TMOD2: variants seen among roughly 807,000 people sequenced by gnomAD.
The protein encoded by TMOD2 is tropomodulin-2.
In TMOD2, 22 loss-of-function variants were observed where a neutral mutation model predicts 39.9. The ratio of observed to expected loss-of-function variants is 0.55; its 90% confidence interval spans 0.39 to 0.79. The LOEUF is 0.79. Ranked by LOEUF, TMOD2 falls within the 30% of genes least tolerant of loss-of-function variation. The probability of loss-of-function intolerance (pLI) is 0.00; values close to 1 mark genes in which losing one functional copy is unlikely to be tolerated. For synonymous variants in TMOD2, 123 were observed against 146.1 expected (o/e 0.84, Z 1.14); for missense variants, 386 against 413.3 (o/e 0.93, Z 0.57).
At chr15:51,790,288 C>T (rs771961766) in intron 7 of TMOD2, among the ~76,000 whole-genome samples, 13 of 152,164 alleles carry the variant, frequency 8.5e-5, no homozygotes, top group Non-Finnish European at 1.6e-4. Context: ...CACATACACC[C>T]TCCCAAGACT....
chr15:51,784,150 C>G (rs1017219642), intron 7 of TMOD2: 1 of 152,224 alleles, frequency 6.6e-6, no homozygotes, highest in African/African-American at 2.4e-5. Flanking sequence ...CCAGAATTCA[C>G]TACCAAGTCT....
intron 3 of TMOD2, among the ~76,000 whole-genome samples, chr15:51,770,585 G>C (rs1054161472): frequency 1.3e-5 from 2 of 152,122 alleles, no homozygotes; most frequent in African/African-American, 4.8e-5. Context: ...ACATAATGCC[G>C]AGGCTGCCCT....
Position 51,814,408 on chromosome 15 carries a change from G to T in TMOD2, c.*5954G>T, listed in dbSNP as rs1037789047. ...GTTATCACCAGCAACCTTAGCCCTG[G>T]TCAGTAATATTTCTGCTAAGAAAGG... is the stretch of plus-strand genomic sequence containing the variant. On this transcript the variant is annotated 3_prime_UTR_variant, in exon 10 of 10. Coordinates refer to ENST00000249700, the MANE Select transcript of TMOD2 (RefSeq NM_014548.4). The T allele has an allele frequency of 1.3e-5, 2 of 152,214 alleles. No individual in the cohort carries two copies. The highest frequency in any genetic ancestry group is 2.9e-5 in the Non-Finnish European group (2 of 68,060). 9.4% of individuals were successfully genotyped at this position (152,214 alleles called of 1,614,324 possible).
At chr15:51,792,189 A>C (rs955776061) in intron 7 of TMOD2, among the ~76,000 whole-genome samples, 2 of 152,250 alleles carry the variant, frequency 1.3e-5, no homozygotes, top group African/African-American at 4.8e-5. Flanking sequence ...AATCCCATCA[A>C]AAAATGGGCA....
intron 2 of TMOD2, 98 bp from the exon 3 acceptor site, chr15:51,768,164 C>A: frequency 2.1e-6 from 3 of 1,422,824 alleles, no homozygotes; most frequent in Non-Finnish European, 1.9e-6. Context: ...GGTATCCTTC[C>A]TGCTTCCCCA....
At chr15:51,799,155 A>G (rs2056072105) in intron 8 of TMOD2, among the ~76,000 whole-genome samples, 1 of 152,154 alleles carries the variant, frequency 6.6e-6, no homozygotes, top group Non-Finnish European at 1.5e-5. Context: ...GCCATGGGGA[A>G]GGGTCTGTGA....
In TMOD2 at chr15:51,781,158, A is replaced by G. The variant is rs747440871; in HGVS notation, c.608A>G (p.Asn203Ser). The G allele has an allele frequency of 1.2e-6, 2 of 1,608,170 alleles. No homozygotes were observed. Among genetic ancestry groups the G allele is most frequent in the Admixed American group, 1.7e-5 (1 of 58,196 alleles). ...AATGATCCTAGCTTGCAAGAAGTCAACCTCAACAACATTAAGGTATTTCAT... is the reference window on the plus strand; with the variant it reads ...AATGATCCTAGCTTGCAAGAAGTCAGCCTCAACAACATTAAGGTATTTCAT... ...KANDPSLQEV[N>S]LNNIKNIPIP... is the part of the protein sequence containing the mutation. Residue 203 changes from asparagine (N) to serine (S), a missense_variant, in exon 6 of 10, where the codon AAC (asparagine) becomes AGC (serine). Transcript: ENST00000249700.
chr15:51,792,905 C>G (rs1237656540), intron 7 of TMOD2, among the ~76,000 whole-genome samples: 1 of 152,026 alleles, frequency 6.6e-6, no homozygotes, highest in African/African-American at 2.4e-5. Context: ...GGAGAAATAC[C>G]TAATGTAGGT....
intron 7 of TMOD2, among the ~76,000 whole-genome samples, chr15:51,787,365 G>T (rs1199559025): frequency 1.3e-5 from 2 of 152,212 alleles, no homozygotes; most frequent in East Asian, 3.8e-4. Flanking sequence ...AACTGGGCGG[G>T]GCCCACCACA....
At chr15:51,797,981 AG>A (rs2056063161) in intron 7 of TMOD2, among the ~76,000 whole-genome samples, 2 of 151,664 alleles carry the variant, frequency 1.3e-5, no homozygotes. Context: ...AGTTTTTGCA[AG>A]TATGTGAAAT....
intron 8 of TMOD2, among the ~76,000 whole-genome samples, chr15:51,802,319 C>T (rs2056095686): frequency 6.6e-6 from 1 of 152,166 alleles, no homozygotes; most frequent in South Asian, 2.1e-4. Context: ...GTTGGTGTTT[C>T]TGTTTCACTA....
intron 2 of TMOD2, among the ~76,000 whole-genome samples, chr15:51,767,961 T>C (rs1567236609): frequency 6.6e-6 from 1 of 152,214 alleles, no homozygotes; most frequent in Non-Finnish European, 1.5e-5. Context: ...AACCTAAGCA[T>C]GATCTACAAG....
At chr15:51,759,425 A>G (rs1779041335) in intron 1 of TMOD2, among the ~76,000 whole-genome samples, 1 of 152,196 alleles carries the variant, frequency 6.6e-6, no homozygotes, top group South Asian at 2.1e-4. Context: ...AAAATTTTGG[A>G]GGCAGATGAG....
chr15:51,813,584 G>C lies in TMOD2; in HGVS notation c.*5130G>C, dbSNP rs2056170376. 1 of 152,150 alleles carries C rather than the reference G, an allele frequency of 6.6e-6. No homozygotes were observed. Among genetic ancestry groups the C allele is most frequent in the Non-Finnish European group, 1.5e-5 (1 of 68,036 alleles). The allele number at this position is 152,150 out of a possible 1,614,324, so 9.4% of individuals were successfully genotyped here. A position where few individuals can be genotyped will look rare whatever the true frequency, so the allele number is the denominator to read the frequency against. ...CAACACTTAGCAGGTATATGATCATGGGCAATTCATTCAATTGCCTGCCAA... is the reference window on the plus strand; with the variant it reads ...CAACACTTAGCAGGTATATGATCATCGGCAATTCATTCAATTGCCTGCCAA... On this transcript the variant is annotated 3_prime_UTR_variant, in exon 10 of 10. Coordinates refer to ENST00000249700, the MANE Select transcript of TMOD2 (RefSeq NM_014548.4).
chr15:51,801,114 G>A (rs1332618420), intron 8 of TMOD2, among the ~76,000 whole-genome samples: 1 of 152,058 alleles, frequency 6.6e-6, no homozygotes, highest in Non-Finnish European at 1.5e-5. Flanking sequence ...TGAGACAGGA[G>A]GATCACCTGA....
Position 51,813,316 on chromosome 15 carries a change from C to T in TMOD2, c.*4862C>T, listed in dbSNP as rs1490219818. ...TTGCAAGTTTAAATTTGTAACCTGA[C>T]TCTGGGTTCTGTTCTAGGAATAGTG... On this transcript the variant is annotated 3_prime_UTR_variant, in exon 10 of 10. Transcript: ENST00000249700. 1 of 152,230 alleles carries T rather than the reference C, an allele frequency of 6.6e-6. No homozygotes were observed. Among genetic ancestry groups the T allele is most frequent in the Non-Finnish European group, 1.5e-5 (1 of 68,052 alleles). The allele number at this position is 152,230 out of a possible 1,614,324, so 9.4% of individuals were successfully genotyped here. A position where few individuals can be genotyped will look rare whatever the true frequency, so the allele number is the denominator to read the frequency against.
Position 51,781,781 on chromosome 15 carries a change from C to T in TMOD2, c.624+607C>T, listed in dbSNP as rs138350985. Among the ~76,000 whole-genome samples, 450 of 149,908 alleles carry T rather than the reference C, an allele frequency of 3.0e-3. 1 individual carries two copies. The highest frequency in any genetic ancestry group is 4.3e-3 in the Admixed American group (64 of 14,882). ...TTATTCAATTTGATAATAAGTCATG[C>T]CACTCTCAAAGGGAAAGAGTAGGAG... On this transcript the variant is annotated intron_variant, in intron 6 of 9. Transcript: ENST00000249700.
chr15:51,783,542 A>C (rs2055946508), intron 7 of TMOD2: 1 of 152,196 alleles, frequency 6.6e-6, no homozygotes, highest in African/African-American at 2.4e-5. Context: ...ATGTGTCTAA[A>C]ATATCTTAGA....
intron 1 of TMOD2, among the ~76,000 whole-genome samples, chr15:51,765,084 TCTGCCTCCCGGGTTCAAGCAATTCTC>T (rs2055807793): frequency 6.6e-6 from 1 of 152,092 alleles, no homozygotes. Flanking sequence ...CACTGCAACC[TCTGCCTCCCGGGTTCAAGCAATTCTC>T]CTGCCTCAGC....
Sources: allele counts gnomAD v4.1 joint callset (sites outside exome capture counted in the v4.1 genomes callset), GRCh38; gene constraint gnomAD v4.1.1; transcripts MANE v1.5; gene names NCBI Gene and HGNC (gene_info 2026-07-23, HGNC 2026-07-21).